Variants in ANKAR observed in about 807,000 individuals in gnomAD.
The protein encoded by ANKAR is ankyrin and armadillo repeat containing, also known as ankyrin and armadillo repeat-containing protein.
Under a neutral mutation model 146.2 loss-of-function variants are expected in ANKAR, and 136 were observed. The observed-to-expected ratio is 0.93, with a 90% confidence interval of 0.81 to 1.07. The LOEUF is 1.07. Among genes scored for constraint, ANKAR ranks in the 50% least tolerant of loss-of-function variants. ANKAR has a pLI of 0.00. For missense variants in ANKAR, 1,567 were observed against 1,679.9 expected (o/e 0.93, Z 1.18); for synonymous variants, 500 against 575.8 (o/e 0.87, Z 1.88).
chr2:189,738,903 C>G (rs2105885961), intron 19 of ANKAR, among the ~76,000 whole-genome samples: 1 of 151,848 alleles, frequency 6.6e-6, no homozygotes, highest in African/African-American at 2.4e-5. Context: ...TGAATACAGA[C>G]TTTTTGCTTT....
intron 2 of ANKAR, among the ~76,000 whole-genome samples, chr2:189,679,771 A>G (rs554337802): frequency 6.6e-6 from 1 of 152,258 alleles, no homozygotes; most frequent in East Asian, 1.9e-4. Flanking sequence ...TGACTTGCAT[A>G]TGTTAAACCA....
chr2:189,740,584 T>A (rs1462768636), intron 19 of ANKAR, among the ~76,000 whole-genome samples: 1 of 151,714 alleles, frequency 6.6e-6, no homozygotes, highest in Admixed American at 6.7e-5. Context: ...AAACATTTAC[T>A]TTTATGTAAA....
At chr2:189,745,895 G>A (rs1010660230) in intron 22 of ANKAR, among the ~76,000 whole-genome samples, 7 of 152,124 alleles carry the variant, frequency 4.6e-5, no homozygotes, top group Non-Finnish European at 8.8e-5. Flanking sequence ...ATAGCTTCTT[G>A]AATGTTAGAG....
At chr2:189,729,591 T>C (rs2042205979) in intron 15 of ANKAR, among the ~76,000 whole-genome samples, 1 of 151,450 alleles carries the variant, frequency 6.6e-6, no homozygotes, top group East Asian at 1.9e-4. Flanking sequence ...TCTAAAGTTC[T>C]AGTAAATGAT....
chr2:189,693,069 T>A lies in ANKAR; in HGVS notation c.1204-5T>A. ...ATGTCTTTAGTAACATAACTCATAT[T>A]TTAGAAAAATTTAGAAAAAATACGA... On this transcript the variant is annotated splice_region_variant and splice_polypyrimidine_tract_variant and intron_variant, in intron 4 of 22. Coordinates refer to ENST00000684021, the MANE Select transcript of ANKAR (RefSeq NM_001378068.1). 7.0e-7 allele frequency: 1 copy of A among 1,421,446 alleles called. No individual in the cohort carries two copies. 88.1% of individuals were successfully genotyped at this position (1,421,446 alleles called of 1,614,324 possible). A position where few individuals can be genotyped will look rare whatever the true frequency, so the allele number is the denominator to read the frequency against.
chr2:189,755,229 C>G (rs1411149031), intron 18 of ANKAR: 1 of 1,612,234 alleles, frequency 6.2e-7, no homozygotes, highest in African/African-American at 1.3e-5. Flanking sequence ...AGCAGAAAAT[C>G]TGAAACTCCT....
intron 18 of ANKAR, among the ~76,000 whole-genome samples, chr2:189,758,775 TGA>T (rs1387796542): frequency 6.6e-6 from 1 of 152,176 alleles, no homozygotes; most frequent in African/African-American, 2.4e-5. Context: ...TAGACTCTAC[TGA>T]GAGAGATTAT....
chr2:189,728,462 G>A (rs1050423278), intron 14 of ANKAR, 42 bp downstream of exon 14: 12 of 1,553,930 alleles, frequency 7.7e-6, no homozygotes, highest in Non-Finnish European at 8.7e-6. Context: ...TTTAGAGACA[G>A]GATCTTGCTC....
At position 189,706,454 on chromosome 2, in the gene ANKAR, CA is replaced by C. The variant is rs765469393; in HGVS notation, c.1911-480del. On this transcript the variant is annotated intron_variant, in intron 8 of 22. Transcript: ENST00000684021. Reference sequence around the variant, plus strand: ...TGTAATATTGCACTGGATAGCCAAACAAAATATCTTTACTATCTAAAAATCA... The same window carrying C: ...TGTAATATTGCACTGGATAGCCAAACAAATATCTTTACTATCTAAAAATCA... Among the ~76,000 whole-genome samples, 17 of 152,124 alleles carry C rather than the reference CA, an allele frequency of 1.1e-4. No individual in the cohort carries two copies. The South Asian group carries it at 2.3e-3, about 20-fold the overall frequency.
At chr2:189,738,517 G>A in intron 18 of ANKAR, 48 bp from the exon 19 acceptor site, 1 of 1,130,020 alleles carries the variant, frequency 8.8e-7, no homozygotes, top group Non-Finnish European at 1.3e-6. Context: ...AATTAGAGAA[G>A]CTGAGTAGAA....
At chr2:189,684,621 G>A (rs1402210815) in intron 2 of ANKAR, among the ~76,000 whole-genome samples, 4 of 152,002 alleles carry the variant, frequency 2.6e-5, no homozygotes, top group South Asian at 2.1e-4. Context: ...TGAGGAGGCC[G>A]AGGTAGGTGG....
At chr2:189,722,706 A>C (rs1379484073) in intron 12 of ANKAR, among the ~76,000 whole-genome samples, 2 of 151,968 alleles carry the variant, frequency 1.3e-5, no homozygotes, top group South Asian at 2.1e-4. Context: ...CATGGTGAAA[A>C]CCTGTCTCTA....
At chr2:189,744,506 C>T (rs2043777831) in intron 21 of ANKAR, among the ~76,000 whole-genome samples, 1 of 152,068 alleles carries the variant, frequency 6.6e-6, no homozygotes, top group Admixed American at 6.5e-5. Context: ...AACACCTTCC[C>T]TCATCACTTC....
In ANKAR at chr2:189,689,903, A is replaced by G. The variant is rs2036141017; in HGVS notation, c.978A>G (p.Leu326=). The change falls in exon 3 of 23, where the codon CTA becomes CTG. Residue 326 remains leucine (L), a synonymous_variant. Coordinates refer to ENST00000684021, the MANE Select transcript of ANKAR (RefSeq NM_001378068.1). The part of the protein sequence containing the change: ...LKLICFLIPF[L]LSLKKKMKVP... Reference sequence around the variant, plus strand: ...TAATATGTTTTCTGATTCCATTTCTACTGAGTTTAAAGAAGAAAATGAAAG... The same window carrying G: ...TAATATGTTTTCTGATTCCATTTCTGCTGAGTTTAAAGAAGAAAATGAAAG... 1.3e-6 allele frequency: 2 copies of G among 1,569,736 alleles called. No homozygotes were observed. The highest frequency in any genetic ancestry group is 2.3e-5 in the East Asian group (1 of 44,220).
At chr2:189,675,287 G>A (rs1472809119) in intron 1 of ANKAR, among the ~76,000 whole-genome samples, 1 of 152,154 alleles carries the variant, frequency 6.6e-6, no homozygotes, top group Admixed American at 6.5e-5. Flanking sequence ...ATAAATAGTA[G>A]TTGTGGTTAT....
At chr2:189,716,102 G>C (rs2040425584) in intron 10 of ANKAR, among the ~76,000 whole-genome samples, 1 of 152,174 alleles carries the variant, frequency 6.6e-6, no homozygotes, top group Non-Finnish European at 1.5e-5. Context: ...AATCAGGCAA[G>C]AGAAAGAAAT....
At chr2:189,700,037 C>G (rs1301811717) in intron 7 of ANKAR, among the ~76,000 whole-genome samples, 1 of 140,300 alleles carries the variant, frequency 7.1e-6, no homozygotes, top group African/African-American at 2.7e-5. Flanking sequence ...ACTTGACCTT[C>G]ATTTTTTTTT....
At chr2:189,721,274 C>T (rs903205420) in intron 12 of ANKAR, among the ~76,000 whole-genome samples, 1 of 152,086 alleles carries the variant, frequency 6.6e-6, no homozygotes, top group African/African-American at 2.4e-5. Flanking sequence ...GTATGAGCCA[C>T]CATGCCTGGC....
Position 189,676,906 on chromosome 2 carries a change from A to T in ANKAR, c.416A>T (p.Tyr139Phe). 1.2e-6 allele frequency: 2 copies of T among 1,614,196 alleles called. No individual in the cohort carries two copies. Among genetic ancestry groups the T allele is most frequent in the Non-Finnish European group, 1.7e-6 (2 of 1,180,042 alleles). ...TCTTGTCAATTACCTCCAGCTTATT[A>T]TGATACCAGAATTGGGCAAATTCTG... ...SSSCQLPPAY[Y>F]DTRIGQILIN... The change falls in exon 2 of 23, where the codon TAT becomes TTT. Residue 139 changes from tyrosine to phenylalanine, a missense_variant. Coordinates refer to ENST00000684021, the MANE Select transcript of ANKAR (RefSeq NM_001378068.1).
Sources: gnomAD v4.1 joint callset for allele counts (sites outside exome capture counted in the v4.1 genomes callset) on GRCh38, gnomAD v4.1.1 for gene constraint, MANE v1.5 for transcripts, NCBI Gene and HGNC (gene_info 2026-07-23, HGNC 2026-07-21) for gene names.